Variants in GPC6 observed in about 807,000 individuals in gnomAD.
GPC6 encodes glypican 6, also known as glypican-6.
In GPC6, 14 loss-of-function variants were observed where a neutral mutation model predicts 55.2. The ratio of observed to expected loss-of-function variants is 0.25; its 90% CI spans 0.17 to 0.40. The LOEUF (loss-of-function observed/expected upper bound fraction) is 0.40, where lower values mean the gene tolerates loss of function less well. GPC6 is among the 10% of genes least tolerant of loss of function. The pLI is 1.00. For missense variants in GPC6, 641 were observed against 708.5 expected (o/e 0.90, Z 1.08); for synonymous variants, 278 against 259.6 (o/e 1.07, Z -0.68).
At chr13:94,300,220 T>C (rs1875574998) in intron 5 of GPC6, among the ~76,000 whole-genome samples, 1 of 152,054 alleles carries the variant, frequency 6.6e-6, no homozygotes, top group Admixed American at 6.6e-5. Context: ...AGGTTACCAG[T>C]AGTGACTTTT....
At chr13:93,372,834 C>T (rs1874728018) in intron 1 of GPC6, among the ~76,000 whole-genome samples, 1 of 152,110 alleles carries the variant, frequency 6.6e-6, no homozygotes, top group Admixed American at 6.6e-5. Flanking sequence ...TGAGAGGTAG[C>T]TGATAGAATG....
chr13:94,272,376 G>A (rs1401788616), intron 4 of GPC6, among the ~76,000 whole-genome samples: 1 of 151,566 alleles, frequency 6.6e-6, no homozygotes, highest in African/African-American at 2.4e-5. Context: ...CAATATGCTG[G>A]TGAAAAGTTT....
intron 4 of GPC6, among the ~76,000 whole-genome samples, chr13:94,222,809 C>T (rs552972000): frequency 2.4e-4 from 36 of 152,212 alleles, no homozygotes; most frequent in Admixed American, 1.8e-3. Flanking sequence ...TCATTCTGAG[C>T]TCATATTACC....
chr13:93,974,202 A>C (rs1880417604), intron 3 of GPC6, among the ~76,000 whole-genome samples: 1 of 152,214 alleles, frequency 6.6e-6, no homozygotes, highest in South Asian at 2.1e-4. Flanking sequence ...CAAGTGTTAC[A>C]CAGGCAGCAT....
At chr13:93,682,402 C>T (rs1881877807) in intron 2 of GPC6, among the ~76,000 whole-genome samples, 1 of 152,112 alleles carries the variant, frequency 6.6e-6, no homozygotes, top group African/African-American at 2.4e-5. Context: ...CTTATGCGTA[C>T]ACACAAACCA....
At chr13:93,255,119 A>G (rs1295831522) in intron 1 of GPC6, among the ~76,000 whole-genome samples, 1 of 152,232 alleles carries the variant, frequency 6.6e-6, no homozygotes, top group Non-Finnish European at 1.5e-5. Flanking sequence ...TCCTTTCAGA[A>G]GGCAAGAGGT....
intron 1 of GPC6, among the ~76,000 whole-genome samples, chr13:93,538,611 G>T (rs1036081340): frequency 2.0e-5 from 3 of 152,122 alleles, no homozygotes; most frequent in East Asian, 1.9e-4. Context: ...AAATAGTCAC[G>T]CAAAGAAGTG....
intron 1 of GPC6, among the ~76,000 whole-genome samples, chr13:93,298,509 A>T (rs978697161): frequency 1.3e-5 from 2 of 151,944 alleles, no homozygotes; most frequent in Non-Finnish European, 2.9e-5. Context: ...ATCACAGCTC[A>T]CTGTAGCCTT....
chr13:93,536,729 T>A (rs970404126), intron 1 of GPC6, among the ~76,000 whole-genome samples: 1 of 152,196 alleles, frequency 6.6e-6, no homozygotes, highest in African/African-American at 2.4e-5. Flanking sequence ...ATTTTTAACA[T>A]CTCTTCTGCC....
intron 2 of GPC6, among the ~76,000 whole-genome samples, chr13:93,642,902 T>A (rs888105562): frequency 6.6e-6 from 1 of 152,138 alleles, no homozygotes; most frequent in Non-Finnish European, 1.5e-5. Flanking sequence ...AGGTGAGATG[T>A]TATCACATTC....
chr13:93,913,205 A>G (rs1442353184), intron 3 of GPC6, among the ~76,000 whole-genome samples: 1 of 152,108 alleles, frequency 6.6e-6, no homozygotes, highest in Non-Finnish European at 1.5e-5. Context: ...CTCTTTTTAC[A>G]TGTTTCAGTT....
intron 4 of GPC6, among the ~76,000 whole-genome samples, chr13:94,081,492 A>T (rs956791712): frequency 2.0e-5 from 3 of 152,168 alleles, no homozygotes; most frequent in African/African-American, 7.2e-5. Context: ...ACTATCCATA[A>T]AATATTACTA....
At chr13:93,406,229 C>T (rs1023957065) in intron 1 of GPC6, among the ~76,000 whole-genome samples, 1 of 152,182 alleles carries the variant, frequency 6.6e-6, no homozygotes, top group Non-Finnish European at 1.5e-5. Context: ...AAAACTCATG[C>T]CACACGATCA....
chr13:93,830,135 C>G lies in GPC6; in HGVS notation c.320-19C>G. On this transcript the variant is annotated intron_variant, in intron 2 of 8. Transcript: ENST00000377047. ...TCTAGATTTCATTAATTTATGACTTCTTTCTGTTTTATCTGCAGAATTTTT... is the reference window on the plus strand; with the variant it reads ...TCTAGATTTCATTAATTTATGACTTGTTTCTGTTTTATCTGCAGAATTTTT... The G allele has an allele frequency of 6.3e-7, 1 of 1,599,880 alleles. No individual in the cohort carries two copies. The highest frequency in any genetic ancestry group is 8.5e-7 in the Non-Finnish European group (1 of 1,171,170).
chr13:94,378,496 G>T (rs1198532851), intron 6 of GPC6, among the ~76,000 whole-genome samples: 8 of 152,120 alleles, frequency 5.3e-5, no homozygotes. Context: ...GTAATGGTAG[G>T]TATGAGAAGG....
At chr13:94,319,660 G>A (rs1343546139) in intron 6 of GPC6, among the ~76,000 whole-genome samples, 2 of 152,238 alleles carry the variant, frequency 1.3e-5, no homozygotes, top group East Asian at 3.9e-4. Context: ...GTGCTGAACT[G>A]TAATTCTAGG....
intron 2 of GPC6, among the ~76,000 whole-genome samples, chr13:93,707,145 ATAGT>A (rs954803613): frequency 6.6e-6 from 1 of 151,734 alleles, no homozygotes; most frequent in African/African-American, 2.4e-5. Flanking sequence ...TATCATTTCC[ATAGT>A]TAGAGTTAGC....
At chr13:93,362,318 CTTTGCT>C (rs760689486) in intron 1 of GPC6, among the ~76,000 whole-genome samples, 5 of 152,106 alleles carry the variant, frequency 3.3e-5, no homozygotes, top group Non-Finnish European at 7.4e-5. Context: ...GAATGTAACC[CTTTGCT>C]TTTGAATTTC....
chr13:93,599,149 T>C (rs1426773895), intron 2 of GPC6, among the ~76,000 whole-genome samples: 1 of 152,204 alleles, frequency 6.6e-6, no homozygotes, highest in African/African-American at 2.4e-5. Flanking sequence ...AAAAGTTCCT[T>C]GATACCTTCC....
Sources: allele counts gnomAD v4.1 joint callset (sites outside exome capture counted in the v4.1 genomes callset), GRCh38; gene constraint gnomAD v4.1.1; transcripts MANE v1.5; gene names NCBI Gene and HGNC (gene_info 2026-07-23, HGNC 2026-07-21).